SYT1: variants seen among roughly 807,000 people sequenced by gnomAD.
SYT1 encodes synaptotagmin 1, also known as synaptotagmin-1.
SYT1 carries 8 observed loss-of-function variants against 44.8 expected under a neutral mutation model. The ratio of observed to expected loss-of-function variants is 0.18; its 90% confidence interval spans 0.10 to 0.32. The LOEUF is 0.32. Among genes scored for constraint, SYT1 ranks in the 10% least tolerant of loss-of-function variants. The pLI is 1.00. For missense variants in SYT1, 286 were observed against 509.3 expected, an observed-to-expected ratio of 0.56 and a Z score of 4.22; for synonymous variants, 154 against 188.8, an observed-to-expected ratio of 0.82 and a Z score of 1.51.
At chr12:78,935,688 A>G (rs1392268240) in intron 1 of SYT1, among the ~76,000 whole-genome samples, 1 of 152,166 alleles carries the variant, frequency 6.6e-6, no homozygotes, top group Non-Finnish European at 1.5e-5. Flanking sequence ...ACATGCTTTT[A>G]TATTCTGATT....
intron 3 of SYT1, among the ~76,000 whole-genome samples, chr12:79,143,309 T>A (rs183837457): frequency 3.7e-4 from 57 of 152,348 alleles, no homozygotes; most frequent in Non-Finnish European, 3.7e-4. Flanking sequence ...AGCGTTTTCA[T>A]GTGTATAGTA....
chr12:79,224,168 C>G (rs1875344997), intron 4 of SYT1, among the ~76,000 whole-genome samples: 1 of 152,138 alleles, frequency 6.6e-6, no homozygotes, highest in Admixed American at 6.5e-5. Context: ...CTGCCTCAGT[C>G]CAGTTGCATA....
chr12:78,872,468 G>A (rs773089951), intron 1 of SYT1, among the ~76,000 whole-genome samples: 7 of 151,580 alleles, frequency 4.6e-5, no homozygotes, highest in Non-Finnish European at 7.4e-5. Context: ...TGTATGCATC[G>A]AAGCATATTA....
chr12:79,160,869 G>A (rs1870906411), intron 3 of SYT1, among the ~76,000 whole-genome samples: 1 of 152,070 alleles, frequency 6.6e-6, no homozygotes. Context: ...GCTATACTTA[G>A]CAGAAGTCAT....
chr12:79,339,705 T>C (rs953864044), intron 8 of SYT1, among the ~76,000 whole-genome samples: 32 of 152,204 alleles, frequency 2.1e-4, no homozygotes, highest in African/African-American at 6.3e-4. Flanking sequence ...TGACTTTTGT[T>C]GTCATTGCTT....
chr12:78,920,428 T>C (rs561857486), intron 1 of SYT1, among the ~76,000 whole-genome samples: 1 of 152,138 alleles, frequency 6.6e-6, no homozygotes, highest in Admixed American at 6.6e-5. Context: ...CATCTATGAA[T>C]GCACAGTATG....
At chr12:79,180,965 G>T (rs1872504521) in intron 3 of SYT1, among the ~76,000 whole-genome samples, 1 of 152,034 alleles carries the variant, frequency 6.6e-6, no homozygotes, top group East Asian at 1.9e-4. Flanking sequence ...TCTCTCGAGA[G>T]CTGATGGTTT....
intron 4 of SYT1, among the ~76,000 whole-genome samples, chr12:79,236,095 T>C (rs10861717): frequency 0.69 from 104,360 of 152,012 alleles, 36,201 homozygotes; most frequent in Admixed American, 0.72. Context: ...TTATTCTGGT[T>C]TGAGCCCTCA....
At chr12:79,206,127 CTT>C (rs987791987) in intron 3 of SYT1, among the ~76,000 whole-genome samples, 1 of 152,022 alleles carries the variant, frequency 6.6e-6, no homozygotes, top group African/African-American at 2.4e-5. Context: ...TTTTGTCACT[CTT>C]GTGCACACAA....
intron 8 of SYT1, among the ~76,000 whole-genome samples, chr12:79,313,732 T>C (rs1029881056): frequency 2.0e-5 from 3 of 152,140 alleles, no homozygotes; most frequent in African/African-American, 4.8e-5. Context: ...CGCTTACTAC[T>C]GATGTCTCCT....
intron 8 of SYT1, among the ~76,000 whole-genome samples, chr12:79,330,463 G>A (rs138556559): frequency 5.9e-5 from 9 of 152,258 alleles, no homozygotes; most frequent in Non-Finnish European, 1.2e-4. Flanking sequence ...TCACTACATA[G>A]AAGAAAGAGC....
chr12:79,159,684 A>C (rs145756287), intron 3 of SYT1, among the ~76,000 whole-genome samples: 376 of 152,288 alleles, frequency 2.5e-3, no homozygotes, highest in African/African-American at 8.6e-3. Flanking sequence ...GGGAAATTGG[A>C]ACGTAACCCC....
At chr12:79,190,990 A>G (rs1368347960) in intron 3 of SYT1, among the ~76,000 whole-genome samples, 1 of 152,050 alleles carries the variant, frequency 6.6e-6, no homozygotes, top group African/African-American at 2.4e-5. Context: ...TCACTTACCA[A>G]TGAGATAATT....
At chr12:78,966,772 A>T (rs1234412267) in intron 1 of SYT1, among the ~76,000 whole-genome samples, 1 of 152,144 alleles carries the variant, frequency 6.6e-6, no homozygotes, top group African/African-American at 2.4e-5. Flanking sequence ...TATCCTACAG[A>T]TACATATAAA....
chr12:79,025,142 G>A (rs1254573285), intron 2 of SYT1, among the ~76,000 whole-genome samples: 1 of 151,604 alleles, frequency 6.6e-6, no homozygotes, highest in African/African-American at 2.4e-5. Context: ...TAATATTTAG[G>A]AAGTTATGAT....
intron 3 of SYT1, among the ~76,000 whole-genome samples, chr12:79,157,045 T>C (rs1358783457): frequency 6.6e-6 from 1 of 151,942 alleles, no homozygotes; most frequent in African/African-American, 2.4e-5. Flanking sequence ...GGTGTCAGGG[T>C]GAGGTGCAGA....
chr12:78,975,991 G>C (rs1868803892), intron 1 of SYT1, among the ~76,000 whole-genome samples: 1 of 152,082 alleles, frequency 6.6e-6, no homozygotes. Flanking sequence ...TATTCTAAAG[G>C]ACACACACAT....
intron 9 of SYT1, among the ~76,000 whole-genome samples, chr12:79,394,203 C>T (rs1366320897): frequency 1.3e-5 from 2 of 152,138 alleles, no homozygotes; most frequent in East Asian, 1.9e-4. Context: ...CCAGATAGCT[C>T]GGTGATAGCA....
chr12:79,234,085 C>A (rs1341137187), intron 4 of SYT1, among the ~76,000 whole-genome samples: 1 of 152,134 alleles, frequency 6.6e-6, no homozygotes, highest in Admixed American at 6.6e-5. Context: ...CTCTTTCTTT[C>A]CTTCTAACAT....
Sources: gnomAD v4.1 joint callset for allele counts (sites outside exome capture counted in the v4.1 genomes callset) on GRCh38, gnomAD v4.1.1 for gene constraint, MANE v1.5 for transcripts, NCBI Gene and HGNC (gene_info 2026-07-23, HGNC 2026-07-21) for gene names.